CES5A: variants seen among roughly 807,000 people sequenced by gnomAD.
CES5A encodes carboxylesterase 5A.
Under a neutral mutation model 62.9 loss-of-function variants are expected in CES5A, and 67 were observed. The observed-to-expected ratio is 1.07, with a 90% CI of 0.88 to 1.31. The LOEUF is 1.31. CES5A is among the 50% of genes most tolerant of loss of function. The pLI, the probability that CES5A is intolerant of heterozygous loss-of-function variation, is 0.00. For synonymous variants in CES5A, 296 were observed against 280.8 expected (o/e 1.05, Z -0.54); for missense variants, 748 against 708.5 (o/e 1.06, Z -0.63).
chr16:55,867,504 C>G (rs1486464638), intron 4 of CES5A, among the ~76,000 whole-genome samples: 1 of 152,184 alleles, frequency 6.6e-6, no homozygotes, highest in Non-Finnish European at 1.5e-5. Flanking sequence ...ACTGCTCCTT[C>G]CCCTGGGTCC....
At chr16:55,876,244 T>C (rs1163594861), upstream of CES5A, among the ~76,000 whole-genome samples, 1 of 152,244 alleles carries the variant, frequency 6.6e-6, no homozygotes, top group Non-Finnish European at 1.5e-5. Flanking sequence ...AAATTGACTA[T>C]CAATTTACTT....
intron 1 of CES5A, among the ~76,000 whole-genome samples, chr16:55,899,479 G>C (rs985718306): frequency 6.6e-6 from 1 of 152,162 alleles, no homozygotes; most frequent in Non-Finnish European, 1.5e-5. Context: ...TGGTAGTGTT[G>C]AGCTGAGAAG....
In CES5A at chr16:55,859,969, T is replaced by C. The variant is rs113008972; in HGVS notation, c.916-282A>G. ...TACCAAGAAAAACAGTGGCCTGTTATATGGTTTGGCTGTGTCCCCACCCAA... is the reference window on the plus strand; with the variant it reads ...TACCAAGAAAAACAGTGGCCTGTTACATGGTTTGGCTGTGTCCCCACCCAA... On this transcript the variant is annotated intron_variant, in intron 7 of 12. Coordinates refer to ENST00000290567, the MANE Select transcript of CES5A (RefSeq NM_001143685.2). 4.2e-3 allele frequency among the ~76,000 whole-genome samples: 644 copies of C among 152,330 alleles called. 9 individuals are homozygous for C. Among genetic ancestry groups the C allele is most frequent in the African/African-American group, 0.014 (600 of 41,578 alleles).
upstream of CES5A, among the ~76,000 whole-genome samples, chr16:55,930,032 G>C (rs1341660503): frequency 1.3e-5 from 2 of 152,074 alleles, no homozygotes. Context: ...CTAGGTCTTC[G>C]TGGTTGATTG....
chr16:55,870,413 G>C (rs2033558927), intron 3 of CES5A, among the ~76,000 whole-genome samples: 1 of 152,052 alleles, frequency 6.6e-6, no homozygotes. Flanking sequence ...AAGAGAAAGA[G>C]GAAGGGTCAG....
intron 2 of CES5A, among the ~76,000 whole-genome samples, chr16:55,948,818 T>C (rs2034524592): frequency 6.6e-6 from 1 of 152,156 alleles, no homozygotes; most frequent in Non-Finnish European, 1.5e-5. Flanking sequence ...GCTAAGCAGA[T>C]TCCTTGATGA....
intron 1 of CES5A, among the ~76,000 whole-genome samples, chr16:55,904,865 C>G (rs145048531): frequency 3.4e-4 from 52 of 152,246 alleles, no homozygotes; most frequent in African/African-American, 1.3e-3. Flanking sequence ...TAATCCATAC[C>G]TCCCCCTACA....
Position 55,849,693 on chromosome 16 carries a change from C to T in CES5A, c.1354G>A (p.Ala452Thr). Residue 452 changes from alanine to threonine, a missense_variant, in exon 11 of 13, where the codon GCC (alanine) becomes ACC (threonine). Ala to Thr is a moderately conservative substitution (Grantham distance 58). Coordinates refer to ENST00000290567, the MANE Select transcript of CES5A (RefSeq NM_001143685.2). ...AAGCGGACTTCATCAGCGTGGTCGG[C>T]TTTGACAAAAGCTGGCTTCGTGTCT... ...FEDTKPAFVK[A>T]DHADEVRFVF... The T allele has an allele frequency of 6.2e-7, 1 of 1,614,006 alleles. No individual in the cohort carries two copies. Among genetic ancestry groups the T allele is most frequent in the African/African-American group, 1.3e-5 (1 of 75,064 alleles).
At chr16:55,937,203 C>A (rs1261090671) in intron 2 of CES5A, among the ~76,000 whole-genome samples, 1 of 152,194 alleles carries the variant, frequency 6.6e-6, no homozygotes, top group Admixed American at 6.5e-5. Context: ...TAACCCCTTC[C>A]CCCAGCAGAG....
In CES5A at chr16:55,873,927, AG is replaced by A; in HGVS notation, c.183del (p.Phe62LeufsTer42). On this transcript the variant is annotated frameshift_variant, in exon 2 of 13. Coordinates refer to ENST00000290567, the MANE Select transcript of CES5A (RefSeq NM_001143685.2). LOFTEE classifies it high-confidence loss of function. The stretch of plus-strand genomic sequence containing the variant: ...AGGGATCCCAGCGGGGGAGCAGCAA[AG>A]GGGACTCCGAGGAACACGTTCACAG... ...PVPVNVFLGVPFAAPPLGSLR... is the reference protein window; with the variant it reads ...PVPVNVFLGVXFAAPPLGSLR... The A allele has an allele frequency of 6.2e-7, 1 of 1,613,878 alleles. No homozygotes were observed. The highest frequency in any genetic ancestry group is 1.1e-5 in the South Asian group (1 of 90,870).
intron 1 of CES5A, among the ~76,000 whole-genome samples, chr16:55,909,394 G>T (rs2034069817): frequency 6.6e-6 from 1 of 152,184 alleles, no homozygotes; most frequent in Admixed American, 6.5e-5. Flanking sequence ...GTGCCTAGAT[G>T]TCAAAACAAA....
chr16:55,877,693 G>A (rs1353960043), upstream of CES5A, among the ~76,000 whole-genome samples: 6 of 152,068 alleles, frequency 3.9e-5, no homozygotes, highest in Admixed American at 3.9e-4. Context: ...TCATTTATAG[G>A]ATGCCTTACA....
At chr16:55,904,846 C>A (rs1279066536) in intron 1 of CES5A, among the ~76,000 whole-genome samples, 3 of 152,108 alleles carry the variant, frequency 2.0e-5, no homozygotes, top group Admixed American at 6.5e-5. Context: ...GGTCAGCACC[C>A]CATGTTTCTA....
In CES5A at chr16:55,942,237, TA is replaced by T. The variant is rs540533896; in HGVS notation, c.160+7547del. Reference sequence around the variant, plus strand: ...CAATAGGTAACTTGAACTTAAATTTTAAAATCCCTACTTATGAAAAGACGTC... The same window carrying T: ...CAATAGGTAACTTGAACTTAAATTTTAAATCCCTACTTATGAAAAGACGTC... On this transcript the variant is annotated intron_variant, in intron 2 of 13. Coordinates refer to the CES5A transcript ENST00000521992. 2.2e-4 allele frequency among the ~76,000 whole-genome samples: 33 copies of T among 152,324 alleles called. No individual in the cohort carries two copies. In the South Asian group the frequency reaches 3.5e-3, roughly 16 times the overall value.
At position 55,887,296 on chromosome 16, in the gene CES5A, C is replaced by T. The variant is rs114377648; in HGVS notation, c.-255-13259G>A. Among the ~76,000 whole-genome samples, 574 of 150,240 alleles carry T rather than the reference C, an allele frequency of 3.8e-3. 4 individuals are homozygous for T. Among genetic ancestry groups the T allele is most frequent in the African/African-American group, 0.012 (496 of 40,938 alleles). On this transcript the variant is annotated intron_variant, in intron 1 of 12. Coordinates refer to the CES5A transcript ENST00000518005. The stretch of plus-strand genomic sequence containing the variant: ...ATGCTTCCACGGGTCAACAGTTGAC[C>T]GGTTGACCCAACAAAGAGTCCACTG...
At chr16:55,877,796 G>T (rs1261860341), upstream of CES5A, among the ~76,000 whole-genome samples, 1 of 152,136 alleles carries the variant, frequency 6.6e-6, no homozygotes, top group East Asian at 1.9e-4. Context: ...CTGATATTTT[G>T]CAAGGTAGGA....
At chr16:55,954,258 T>G (rs2034585976) in intron 1 of CES5A, among the ~76,000 whole-genome samples, 1 of 152,318 alleles carries the variant, frequency 6.6e-6, no homozygotes, top group South Asian at 2.1e-4. Context: ...GTGCCAGGCT[T>G]TGCAGGTTCG....
chr16:55,900,885 A>G (rs2033983311), intron 1 of CES5A, among the ~76,000 whole-genome samples: 1 of 152,204 alleles, frequency 6.6e-6, no homozygotes, highest in Non-Finnish European at 1.5e-5. Context: ...TTTAAAGTGC[A>G]CGTGGGAAGT....
upstream of CES5A, among the ~76,000 whole-genome samples, chr16:55,927,658 CAT>C (rs2034272101): frequency 6.6e-6 from 1 of 152,170 alleles, no homozygotes; most frequent in African/African-American, 2.4e-5. Context: ...GATGCTTATA[CAT>C]TGTTGGTGGG....
Sources: gnomAD v4.1 joint callset for allele counts (sites outside exome capture counted in the v4.1 genomes callset) on GRCh38, gnomAD v4.1.1 for gene constraint, MANE v1.5 for transcripts, NCBI Gene and HGNC (gene_info 2026-07-23, HGNC 2026-07-21) for gene names.